The following MGAT4C variants were observed in gnomAD, a reference collection of about 807,000 sequenced individuals.
MGAT4C encodes alpha-1,3-mannosyl-glycoprotein 4-beta-N-acetylglucosaminyltransferase C.
MGAT4C carries 19 observed loss-of-function variants against 40.1 expected under a neutral mutation model. That is an observed-to-expected ratio of 0.47 (90% CI 0.33 to 0.70). The LOEUF is 0.70. Among genes scored for constraint, MGAT4C ranks in the 30% least tolerant of loss-of-function variants. The pLI is 0.02. For synonymous variants in MGAT4C, 181 were observed against 187.1 expected, an observed-to-expected ratio of 0.97 and a Z score of 0.27; for missense variants, 491 against 563.2, an observed-to-expected ratio of 0.87 and a Z score of 1.30.
At position 86,190,681 on chromosome 12, in the gene MGAT4C, T is replaced by C. The variant is rs551926379; in HGVS notation, c.-57+65558A>G. Among the ~76,000 whole-genome samples, 6 of 152,254 alleles carry C rather than the reference T, an allele frequency of 3.9e-5. No homozygotes were observed. In the South Asian group the frequency reaches 8.3e-4, roughly 21 times the overall value. ...TTACTTCTAAGTAAATACTCTGTGA[T>C]GATGAATATTACACATCAATTTGGC... is the stretch of plus-strand genomic sequence containing the variant. On this transcript the variant is annotated intron_variant, in intron 1 of 4. Transcript: ENST00000611864.
rs554937874 is a variant in MGAT4C at position 86,687,764 on chromosome 12, A to G, written c.-229+39445T>C. ...TGTTTTACTTCGAATTATGTGGTCAATTTTAGAATGGGTGTGATGTGGTGC... is the reference window on the plus strand; with the variant it reads ...TGTTTTACTTCGAATTATGTGGTCAGTTTTAGAATGGGTGTGATGTGGTGC... On this transcript the variant is annotated intron_variant, in intron 2 of 7. Coordinates refer to the MGAT4C transcript ENST00000548651. Among the ~76,000 whole-genome samples, 24 of 152,240 alleles carry G rather than the reference A, an allele frequency of 1.6e-4. 1 individual carries two copies. The East Asian group carries it at 3.5e-3, about 22-fold the overall frequency.
intron 2 of MGAT4C, among the ~76,000 whole-genome samples, chr12:86,568,380 A>G (rs1337243697): frequency 6.6e-6 from 1 of 151,946 alleles, no homozygotes; most frequent in Admixed American, 6.6e-5. Flanking sequence ...TTGGACTTAC[A>G]CTAGTGGTCT....
At chr12:86,197,755 A>G (rs1269254034) in intron 1 of MGAT4C, among the ~76,000 whole-genome samples, 1 of 152,248 alleles carries the variant, frequency 6.6e-6, no homozygotes, top group Non-Finnish European at 1.5e-5. Context: ...TGGAAACATC[A>G]TCATCTTTTT....
At chr12:86,763,259 T>G (rs569348953) in intron 1 of MGAT4C, among the ~76,000 whole-genome samples, 2 of 152,348 alleles carry the variant, frequency 1.3e-5, no homozygotes, top group African/African-American at 4.8e-5. Context: ...ATTATGAATC[T>G]ATTCTGCTAT....
chr12:86,801,415 T>C (rs190619229), intron 1 of MGAT4C, among the ~76,000 whole-genome samples: 188 of 151,920 alleles, frequency 1.2e-3, no homozygotes, highest in Middle Eastern at 3.4e-3. Context: ...ATTCAAAATT[T>C]AGGAACAGTA....
chr12:86,473,627 G>A (rs1157971436), intron 2 of MGAT4C, among the ~76,000 whole-genome samples: 1 of 152,246 alleles, frequency 6.6e-6, no homozygotes, highest in East Asian at 1.9e-4. Context: ...GCAGTCTTAG[G>A]AGGATGAATT....
intron 2 of MGAT4C, among the ~76,000 whole-genome samples, chr12:86,595,530 CAAA>C (rs1161021131): frequency 3.9e-5 from 3 of 77,352 alleles, no homozygotes; most frequent in African/African-American, 4.9e-5. Flanking sequence ...AACTCTGTCT[CAAA>C]AAAAAAAAAA....
intron 2 of MGAT4C, among the ~76,000 whole-genome samples, chr12:86,528,494 C>G (rs772549704): frequency 6.6e-6 from 1 of 151,836 alleles, no homozygotes; most frequent in Non-Finnish European, 1.5e-5. Context: ...TAAAAATATA[C>G]TGTATATAAA....
intron 1 of MGAT4C, among the ~76,000 whole-genome samples, chr12:86,182,390 T>C (rs1888223565): frequency 6.6e-6 from 1 of 152,184 alleles, no homozygotes; most frequent in African/African-American, 2.4e-5. Context: ...CAAATGCAAC[T>C]GAATTCTTAT....
In MGAT4C at chr12:86,799,396, C is replaced by A. The variant is rs1377389609; in HGVS notation, c.-262+39270G>T. The stretch of plus-strand genomic sequence containing the variant: ...TCAGGTTTAAATAGTGCTTTAAAAT[C>A]TCAGTTTTAGGAAGAATATTCTCTG... On this transcript the variant is annotated intron_variant, in intron 1 of 7. Coordinates refer to the MGAT4C transcript ENST00000548651. 1.8e-4 allele frequency among the ~76,000 whole-genome samples: 27 copies of A among 151,770 alleles called. No individual in the cohort carries two copies. The Admixed American group carries it at 1.8e-3, about 10-fold the overall frequency.
chr12:86,185,869 C>G (rs2135883858), intron 1 of MGAT4C, among the ~76,000 whole-genome samples: 1 of 152,104 alleles, frequency 6.6e-6, no homozygotes, highest in South Asian at 2.1e-4. Context: ...GAGAGTCGCT[C>G]AGGAAAATTT....
Position 85,979,620 on chromosome 12 carries a change from C to A in MGAT4C, c.1106G>T (p.Trp369Leu). ...KAYSSVDEYF[W>L]GKPPSTGDVF... ...ATCTCCTGTTGAAGGTGGTTTCCCCCAAAAGTACTCATCAACACTACTGTA... is the reference window on the plus strand; with the variant it reads ...ATCTCCTGTTGAAGGTGGTTTCCCCAAAAAGTACTCATCAACACTACTGTA... The change falls in exon 5 of 5, where the codon TGG (tryptophan) becomes TTG (leucine). Residue 369 changes from tryptophan (W) to leucine (L), a missense_variant. Coordinates refer to ENST00000611864, the MANE Select transcript of MGAT4C (RefSeq NM_001351288.2). 1 of 1,611,288 alleles carries A rather than the reference C, an allele frequency of 6.2e-7. No individual in the cohort carries two copies. Among genetic ancestry groups the A allele is most frequent in the Non-Finnish European group, 8.5e-7 (1 of 1,179,422 alleles).
At chr12:86,302,851 A>G (rs919927477) in intron 4 of MGAT4C, among the ~76,000 whole-genome samples, 1 of 150,764 alleles carries the variant, frequency 6.6e-6, no homozygotes, top group Non-Finnish European at 1.5e-5. Flanking sequence ...AACAGTTGAC[A>G]TACTTCTGTT....
At chr12:86,010,537 G>A (rs1888352218) in intron 2 of MGAT4C, among the ~76,000 whole-genome samples, 1 of 152,162 alleles carries the variant, frequency 6.6e-6, no homozygotes, top group Admixed American at 6.5e-5. Context: ...AATTAGCCAT[G>A]CGTGGTGGTG....
chr12:86,378,230 T>C (rs954410702), intron 3 of MGAT4C, among the ~76,000 whole-genome samples: 3 of 152,036 alleles, frequency 2.0e-5, no homozygotes, highest in Admixed American at 6.6e-5. Context: ...CAGAGTGAAA[T>C]TGTTGGACTA....
rs542759499 is a variant in MGAT4C at position 86,064,562 on chromosome 12, A to C, written c.-56-14839T>G. On this transcript the variant is annotated intron_variant, in intron 1 of 4. Coordinates refer to ENST00000611864, the MANE Select transcript of MGAT4C (RefSeq NM_001351288.2). ...CCAGAATCTCTGAGACACATTTAAA[A>C]CAGCATATAGAGGGAAATTTATAGC... is the stretch of plus-strand genomic sequence containing the variant. Among the ~76,000 whole-genome samples, 8 of 152,202 alleles carry C rather than the reference A, an allele frequency of 5.3e-5. No homozygotes were observed. In the South Asian group the frequency reaches 6.2e-4, roughly 12 times the overall value.
At chr12:86,621,737 A>C (rs1337451459) in intron 2 of MGAT4C, among the ~76,000 whole-genome samples, 2 of 152,162 alleles carry the variant, frequency 1.3e-5, no homozygotes, top group African/African-American at 2.4e-5. Context: ...CTCAGTCTCC[A>C]AAAATATGAG....
intron 1 of MGAT4C, among the ~76,000 whole-genome samples, chr12:86,053,247 TTGTG>T (rs10540006): frequency 6.7e-6 from 1 of 150,236 alleles, no homozygotes; most frequent in African/African-American, 2.4e-5. Flanking sequence ...GTATTTGACT[TTGTG>T]TGTGTGTGTG....
At chr12:86,250,752 T>C (rs1952240557) in intron 1 of MGAT4C, among the ~76,000 whole-genome samples, 1 of 152,088 alleles carries the variant, frequency 6.6e-6, no homozygotes, top group Non-Finnish European at 1.5e-5. Context: ...ATTTAATTCA[T>C]TTTTTATCTT....
Sources: gnomAD v4.1 joint callset for allele counts (sites outside exome capture counted in the v4.1 genomes callset) on GRCh38, gnomAD v4.1.1 for gene constraint, MANE v1.5 for transcripts, NCBI Gene and HGNC (gene_info 2026-07-23, HGNC 2026-07-21) for gene names.